Variants in KLHL1 observed in about 807,000 individuals in gnomAD.
The protein encoded by KLHL1 is kelch-like protein 1.
Under a neutral mutation model 77.7 loss-of-function variants are expected in KLHL1, and 47 were observed. That is an observed-to-expected ratio of 0.60 (90% CI 0.48 to 0.77). The LOEUF (loss-of-function observed/expected upper bound fraction) is 0.77. KLHL1 is among the 30% of genes least tolerant of loss of function. The pLI is 0.00. For synonymous variants in KLHL1, 360 were observed against 325.2 expected (o/e 1.11, Z -1.15); for missense variants, 925 against 910.8 (o/e 1.02, Z -0.20).
Position 69,701,553 on chromosome 13 carries a change from ATC to A in KLHL1, c.*147_*148del. The A allele has an allele frequency of 4.9e-6, 3 of 608,394 alleles. No homozygotes were observed. The highest frequency in any genetic ancestry group is 8.8e-6 in the Non-Finnish European group (3 of 341,278). 37.7% of individuals were successfully genotyped at this position (608,394 alleles called of 1,614,324 possible). A position where few individuals can be genotyped will look rare whatever the true frequency, so the allele number is the denominator to read the frequency against. On this transcript the variant is annotated 3_prime_UTR_variant, in exon 11 of 11. Coordinates refer to ENST00000377844, the MANE Select transcript of KLHL1 (RefSeq NM_020866.3). ...TTCTTGTTTCCTACTATTCTGTTTG[ATC>A]TACTAACTCTTTCAACATCAGTAGG...
At chr13:69,897,628 T>A (rs192526250) in intron 4 of KLHL1, among the ~76,000 whole-genome samples, 1 of 152,244 alleles carries the variant, frequency 6.6e-6, no homozygotes, top group East Asian at 1.9e-4. Context: ...GTGCGTTGAC[T>A]ACCTAAAGAG....
chr13:69,873,072 G>A (rs1367662901), intron 5 of KLHL1, among the ~76,000 whole-genome samples: 1 of 152,094 alleles, frequency 6.6e-6, no homozygotes, highest in African/African-American at 2.4e-5. Context: ...CTCATATAGT[G>A]TTATTGTCAA....
chr13:69,924,558 T>C (rs2138270003), intron 4 of KLHL1, among the ~76,000 whole-genome samples: 1 of 152,302 alleles, frequency 6.6e-6, no homozygotes, highest in Non-Finnish European at 1.5e-5. Context: ...GTTCTATCAC[T>C]TAATAAAACT....
chr13:70,063,522 T>C (rs1886940229), intron 1 of KLHL1, among the ~76,000 whole-genome samples: 1 of 152,070 alleles, frequency 6.6e-6, no homozygotes, highest in Non-Finnish European at 1.5e-5. Flanking sequence ...TTATTTAAAA[T>C]TATAATCTAA....
chr13:69,895,163 T>C (rs1318348496), intron 4 of KLHL1: 4 of 472,182 alleles, frequency 8.5e-6, no homozygotes, highest in Non-Finnish European at 1.7e-5. Context: ...GAGAAGGTAG[T>C]CTTTAATTCT....
intron 1 of KLHL1, among the ~76,000 whole-genome samples, chr13:70,003,498 G>C (rs1054925227): frequency 1.3e-5 from 2 of 151,678 alleles, no homozygotes; most frequent in Admixed American, 6.6e-5. Flanking sequence ...ACCAGAGAGA[G>C]AGAATCCATG....
chr13:69,779,695 T>C (rs1876034097), intron 7 of KLHL1, among the ~76,000 whole-genome samples: 1 of 152,082 alleles, frequency 6.6e-6, no homozygotes, highest in Non-Finnish European at 1.5e-5. Flanking sequence ...AAATGTAACA[T>C]TATTATGATT....
intron 1 of KLHL1, among the ~76,000 whole-genome samples, chr13:70,071,265 T>A (rs1887131730): frequency 1.3e-5 from 2 of 152,072 alleles, no homozygotes; most frequent in African/African-American, 4.8e-5. Context: ...TTAGAAGATA[T>A]AAAGAGCAGC....
rs111716516 is a variant in KLHL1, at chr13:70,002,512, G to T, written c.498-26710C>A. On this transcript the variant is annotated intron_variant, in intron 1 of 10. Coordinates refer to ENST00000377844, the MANE Select transcript of KLHL1 (RefSeq NM_020866.3). ...TTGTCATTGTAGTCCCAGGAGGCAA[G>T]GTGAGAGGGAAGGGGACAGAGAAAA... Among the ~76,000 whole-genome samples, 550 of 151,436 alleles carry T rather than the reference G, an allele frequency of 3.6e-3. 4 individuals are homozygous for T. The highest frequency in any genetic ancestry group is 0.013 in the African/African-American group (524 of 41,432).
chr13:69,728,431 G>T (rs1387174307), intron 8 of KLHL1, among the ~76,000 whole-genome samples: 1 of 151,494 alleles, frequency 6.6e-6, no homozygotes, highest in Non-Finnish European at 1.5e-5. Context: ...TTGTTTGTTT[G>T]TTTGAGACAG....
At chr13:69,841,023 C>A (rs2138113995) in intron 5 of KLHL1, among the ~76,000 whole-genome samples, 1 of 151,860 alleles carries the variant, frequency 6.6e-6, no homozygotes, top group East Asian at 2.0e-4. Context: ...TTCTTCTCTC[C>A]TTTTCACTCC....
chr13:69,820,341 T>G (rs565527355), intron 6 of KLHL1, among the ~76,000 whole-genome samples: 1 of 152,324 alleles, frequency 6.6e-6, no homozygotes, highest in East Asian at 1.9e-4. Flanking sequence ...ATTTTACTAC[T>G]AACTCTTCAG....
chr13:69,728,867 T>G (rs561684038), intron 8 of KLHL1, among the ~76,000 whole-genome samples: 2 of 152,066 alleles, frequency 1.3e-5, no homozygotes, highest in East Asian at 3.9e-4. Flanking sequence ...CATTTTCCCA[T>G]AGTAAATCAT....
intron 2 of KLHL1, among the ~76,000 whole-genome samples, chr13:69,967,162 T>C (rs1031550649): frequency 6.6e-6 from 1 of 152,192 alleles, no homozygotes; most frequent in Non-Finnish European, 1.5e-5. Flanking sequence ...GTTTTATTTT[T>C]AGTTCTTTGA....
At chr13:70,093,361 G>A (rs1593738153) in intron 1 of KLHL1, among the ~76,000 whole-genome samples, 1 of 152,086 alleles carries the variant, frequency 6.6e-6, no homozygotes, top group East Asian at 1.9e-4. Flanking sequence ...ACCAGATGGG[G>A]CATCTCTGAA....
intron 1 of KLHL1, among the ~76,000 whole-genome samples, chr13:70,051,724 T>C (rs1444215958): frequency 6.6e-6 from 1 of 152,028 alleles, no homozygotes; most frequent in Non-Finnish European, 1.5e-5. Context: ...GACTCAATTA[T>C]ATTGTGGGTC....
At chr13:69,861,132 T>G (rs1449363380) in intron 5 of KLHL1, among the ~76,000 whole-genome samples, 1 of 152,106 alleles carries the variant, frequency 6.6e-6, no homozygotes, top group African/African-American at 2.4e-5. Flanking sequence ...TGGTAAATAT[T>G]ATTTTATGTG....
chr13:70,072,158 A>G (rs1347945779), intron 1 of KLHL1, among the ~76,000 whole-genome samples: 1 of 152,112 alleles, frequency 6.6e-6, no homozygotes, highest in Non-Finnish European at 1.5e-5. Flanking sequence ...ATAGCTAAGA[A>G]ATACTATGCA....
At chr13:70,018,129 A>G (rs1173056832) in intron 1 of KLHL1, among the ~76,000 whole-genome samples, 1 of 152,184 alleles carries the variant, frequency 6.6e-6, no homozygotes, top group Non-Finnish European at 1.5e-5. Context: ...CTACGAGTGA[A>G]TAACTTACGG....
Sources: allele counts gnomAD v4.1 joint callset (sites outside exome capture counted in the v4.1 genomes callset), GRCh38; gene constraint gnomAD v4.1.1; transcripts MANE v1.5; gene names NCBI Gene and HGNC (gene_info 2026-07-23, HGNC 2026-07-21).